Variants in SNRNP35 observed in about 807,000 individuals in gnomAD.
SNRNP35 encodes the protein small nuclear ribonucleoprotein U11/U12 subunit 35.
SNRNP35 carries 16 observed loss-of-function variants against 24.3 expected under a neutral mutation model. The ratio of observed to expected loss-of-function variants is 0.66; its 90% confidence interval spans 0.45 to 1.00. SNRNP35 has a LOEUF of 1.00. Ranked by LOEUF, SNRNP35 falls within the 50% of genes least tolerant of loss-of-function variation. SNRNP35 has a pLI of 0.00. For missense variants in SNRNP35, 292 were observed against 327.2 expected (o/e 0.89, Z 0.83); for synonymous variants, 106 against 124.8 (o/e 0.85, Z 1.00).
In SNRNP35 at chr12:123,466,377, CTTACTGATGA is replaced by C. The variant is rs1880986698; in HGVS notation, c.*98_*107del. On this transcript the variant is annotated 3_prime_UTR_variant, in exon 2 of 2. Coordinates refer to ENST00000526639, the MANE Select transcript of SNRNP35 (RefSeq NM_022717.4). ...GCGTGAGTCTAATGGTTGAATAAAACTTACTGATGATCATGGGGTTTGGAATAGTTTTCTT... is the reference window on the plus strand; with the variant it reads ...GCGTGAGTCTAATGGTTGAATAAAACTCATGGGGTTTGGAATAGTTTTCTT... 1.6e-6 allele frequency: 2 copies of C among 1,260,862 alleles called. No homozygotes were observed. The highest frequency in any genetic ancestry group is 2.2e-6 in the Non-Finnish European group (2 of 927,586). The allele number at this position is 1,260,862 out of a possible 1,614,324, so 78.1% of individuals were successfully genotyped here.
Position 123,466,384 on chromosome 12 carries a change from A to G in SNRNP35, c.*103A>G. The G allele has an allele frequency of 8.2e-7, 1 of 1,222,098 alleles. No individual in the cohort carries two copies. Among genetic ancestry groups the G allele is most frequent in the African/African-American group, 1.5e-5 (1 of 66,166 alleles). 75.7% of individuals were successfully genotyped at this position (1,222,098 alleles called of 1,614,324 possible). A position where few individuals can be genotyped will look rare whatever the true frequency, so the allele number is the denominator to read the frequency against. ...TCTAATGGTTGAATAAAACTTACTG[A>G]TGATCATGGGGTTTGGAATAGTTTT... On this transcript the variant is annotated 3_prime_UTR_variant, in exon 2 of 2. Coordinates refer to ENST00000526639, the MANE Select transcript of SNRNP35 (RefSeq NM_022717.4).
At chr12:123,470,464 C>A (rs1371585856), downstream of SNRNP35, 2 of 105,692 alleles carry the variant, frequency 1.9e-5, no homozygotes, top group African/African-American at 7.6e-5. Context: ...CAGAGTGAGA[C>A]CCTGTGTCCA....
chr12:123,467,834 A>G (rs1881032749), downstream of SNRNP35, among the ~76,000 whole-genome samples: 1 of 152,186 alleles, frequency 6.6e-6, no homozygotes, highest in Non-Finnish European at 1.5e-5. Context: ...CCCAAGTCTC[A>G]GAAAACAACC....
chr12:123,469,076 C>CA (rs1310444191), downstream of SNRNP35, among the ~76,000 whole-genome samples: 1 of 152,174 alleles, frequency 6.6e-6, no homozygotes, highest in African/African-American at 2.4e-5. Flanking sequence ...TCTCCCCCTC[C>CA]AGTTGTGACA....
chr12:123,470,828 T>A (rs1406420378), downstream of SNRNP35: 1 of 152,092 alleles, frequency 6.6e-6, no homozygotes, highest in Admixed American at 6.6e-5. Context: ...ACCAAGAAAC[T>A]GGCAATTTTG....
Position 123,466,100 on chromosome 12 carries a change from C to A in SNRNP35, c.560C>A (p.Ser187Tyr). The A allele has an allele frequency of 6.2e-7, 1 of 1,612,476 alleles. No homozygotes were observed. Among genetic ancestry groups the A allele is most frequent in the Non-Finnish European group, 8.5e-7 (1 of 1,179,438 alleles). The change falls in exon 2 of 2, where the codon TCT (serine) becomes TAT (tyrosine). Residue 187 changes from serine (S) to tyrosine (Y), a missense_variant. Coordinates refer to ENST00000526639, the MANE Select transcript of SNRNP35 (RefSeq NM_022717.4). Reference protein sequence around the residue: ...REGKRERRERSRSRERHWDSR... With the variant: ...REGKRERRERYRSRERHWDSR... ...GGAAAACGGGAAAGGCGGGAGCGAT[C>A]TCGATCCCGAGAAAGACACTGGGAC...
chr12:123,469,654 CACCT>C (rs1881099007), downstream of SNRNP35, among the ~76,000 whole-genome samples: 1 of 151,978 alleles, frequency 6.6e-6, no homozygotes, highest in Non-Finnish European at 1.5e-5. Context: ...CCACCACACC[CACCT>C]ATTTTTTTAT....
chr12:123,460,259 C>G (rs1880533714), intron 1 of SNRNP35, among the ~76,000 whole-genome samples: 2 of 152,038 alleles, frequency 1.3e-5, no homozygotes, highest in Admixed American at 1.3e-4. Context: ...ATCTCCAAAA[C>G]CTTATATTTT....
chr12:123,465,444 T>C lies in SNRNP35; in HGVS notation c.-3-94T>C. ...TTCCTTTCCTGTTTTTAAGAAGAGGTGAATGATAGTATCCTTTTCATGGCA... is the reference window on the plus strand; with the variant it reads ...TTCCTTTCCTGTTTTTAAGAAGAGGCGAATGATAGTATCCTTTTCATGGCA... On this transcript the variant is annotated intron_variant, in intron 1 of 1. Transcript: ENST00000526639. This position sits in a 1 kb window ranked among gnomAD's most constrained non-coding sequence, Gnocchi z 4.2. 1 of 1,389,456 alleles carries C rather than the reference T, an allele frequency of 7.2e-7. No homozygotes were observed. The highest frequency in any genetic ancestry group is 9.6e-7 in the Non-Finnish European group (1 of 1,044,440). The allele number at this position is 1,389,456 out of a possible 1,614,324, so 86.1% of individuals were successfully genotyped here.
Position 123,465,614 on chromosome 12 carries a change from AC to A in SNRNP35, c.77del (p.Pro26HisfsTer21). 2 of 1,608,934 alleles carry A rather than the reference AC, an allele frequency of 1.2e-6. No individual in the cohort carries two copies. The highest frequency in any genetic ancestry group is 1.7e-6 in the Non-Finnish European group (2 of 1,177,656). ...GGCAGCATTGATGGCACCGATGAAG[AC>A]CCACACGACCGCGCGGTCTGGAGGG... ...KAGSIDGTDEDPHDRAVWRAM... is the reference protein window; with the variant it reads ...KAGSIDGTDEXPHDRAVWRAM... On this transcript the variant is annotated frameshift_variant, in exon 2 of 2. Coordinates refer to ENST00000526639, the MANE Select transcript of SNRNP35 (RefSeq NM_022717.4). LOFTEE classifies it high-confidence loss of function. This position sits in a 1 kb window ranked among gnomAD's most constrained non-coding sequence, Gnocchi z 4.2.
At chr12:123,462,418 T>C (rs188394870) in intron 1 of SNRNP35, among the ~76,000 whole-genome samples, 1 of 152,178 alleles carries the variant, frequency 6.6e-6, no homozygotes, top group Admixed American at 6.5e-5. Flanking sequence ...AAACAGGCTT[T>C]GTTCCTGTTG....
At chr12:123,469,297 G>A (rs1881086833), downstream of SNRNP35, among the ~76,000 whole-genome samples, 1 of 152,012 alleles carries the variant, frequency 6.6e-6, no homozygotes, top group Non-Finnish European at 1.5e-5. Context: ...TGGGACAACA[G>A]GCGCATGCCC....
downstream of SNRNP35, among the ~76,000 whole-genome samples, chr12:123,469,767 T>TATA (rs1478845948): frequency 6.6e-6 from 1 of 152,028 alleles, no homozygotes; most frequent in Non-Finnish European, 1.5e-5. Context: ...CCTCCCAAAA[T>TATA]ATGGGGATTA....
intron 1 of SNRNP35, among the ~76,000 whole-genome samples, chr12:123,460,277 G>A (rs1203235209): frequency 3.9e-5 from 6 of 152,086 alleles, no homozygotes; most frequent in African/African-American, 1.2e-4. Flanking sequence ...TTTATGAAAA[G>A]CATCAGAGGA....
intron 1 of SNRNP35, among the ~76,000 whole-genome samples, chr12:123,460,621 A>AAG (rs1880558792): frequency 1.3e-5 from 2 of 149,456 alleles, no homozygotes; most frequent in African/African-American, 5.0e-5. Flanking sequence ...AAAAAAAAAA[A>AAG]AAAGCTGGGT....
Position 123,465,784 on chromosome 12 carries a change from C to A in SNRNP35, c.244C>A (p.Leu82Met), listed in dbSNP as rs770189911. 1.2e-6 allele frequency: 2 copies of A among 1,614,102 alleles called. No homozygotes were observed. The highest frequency in any genetic ancestry group is 1.7e-6 in the Non-Finnish European group (2 of 1,180,020). The change falls in exon 2 of 2, where the codon CTG (leucine) becomes ATG (methionine). Residue 82 changes from leucine to methionine, a missense_variant. By Grantham distance (15) the Leu-to-Met change is conservative. Transcript: ENST00000526639. This position sits in a 1 kb window ranked among gnomAD's most constrained non-coding sequence, Gnocchi z 4.2. The part of the protein sequence containing the change: ...SRYGDIRRLR[L>M]VRDLVTGFSK... The stretch of plus-strand genomic sequence containing the variant: ...CTATGGTGACATCCGGCGGCTTCGG[C>A]TGGTCAGGGACTTGGTCACAGGTTT...
At chr12:123,458,488 T>C (rs1346071518) in intron 1 of SNRNP35, among the ~76,000 whole-genome samples, 1 of 151,988 alleles carries the variant, frequency 6.6e-6, no homozygotes. Context: ...AGGATAGGCT[T>C]TTCCACAGAA....
At chr12:123,459,752 A>G (rs1364804204) in intron 1 of SNRNP35, 15 of 1,236,128 alleles carry the variant, frequency 1.2e-5, no homozygotes, top group Admixed American at 2.2e-5. Flanking sequence ...TGGCCATTGC[A>G]CTCCAGCCTG....
intron 1 of SNRNP35, among the ~76,000 whole-genome samples, chr12:123,462,265 C>G (rs9777830): frequency 0.85 from 128,700 of 152,076 alleles, 54,608 homozygotes; most frequent in East Asian, 1. Context: ...ACAGGGAGAG[C>G]ATATTCCCAA....
Sources: gnomAD v4.1 joint callset for allele counts (sites outside exome capture counted in the v4.1 genomes callset) on GRCh38, gnomAD v4.1.1 for gene constraint, Gnocchi (gnomAD v3.1) non-coding constraint, MANE v1.5 for transcripts, NCBI Gene and HGNC (gene_info 2026-07-23, HGNC 2026-07-21) for gene names.